Variants in PELI2 observed in about 807,000 individuals in gnomAD.
PELI2 encodes the protein E3 ubiquitin-protein ligase pellino homolog 2.
In PELI2, 23 loss-of-function variants were observed where a neutral mutation model predicts 42.3. The ratio of observed to expected loss-of-function variants is 0.54; its 90% CI spans 0.39 to 0.77. The LOEUF is 0.77. Among genes scored for constraint, PELI2 ranks in the 30% least tolerant of loss-of-function variants. The pLI, the probability that PELI2 is intolerant of heterozygous loss-of-function variation, is 0.00. For synonymous variants in PELI2, 245 were observed against 212.2 expected, an observed-to-expected ratio of 1.15 and a Z score of -1.34; for missense variants, 463 against 553.2, an observed-to-expected ratio of 0.84 and a Z score of 1.64.
intron 2 of PELI2, among the ~76,000 whole-genome samples, chr14:56,251,857 T>C (rs778258980): frequency 3.5e-4 from 54 of 152,254 alleles, no homozygotes; most frequent in Non-Finnish European, 4.4e-4. Flanking sequence ...TCACTTGGGA[T>C]GTTTTAGCTA....
chr14:56,121,874 A>G (rs1883074428), intron 1 of PELI2, among the ~76,000 whole-genome samples: 1 of 152,242 alleles, frequency 6.6e-6, no homozygotes, highest in Non-Finnish European at 1.5e-5. Flanking sequence ...AAGTTCCCTG[A>G]CAGTTGTTTT....
In PELI2 at chr14:56,195,079, C is replaced by CAAA. The variant is rs1419144992; in HGVS notation, c.207+16616_207+16617insAAA. ...TCATTAATTTAATGCTTTTCCTTGA[C>CAAA]ACATGTTTTGTTTCTACAGCTGTTA... On this transcript the variant is annotated intron_variant, in intron 2 of 5. Coordinates refer to ENST00000267460, the MANE Select transcript of PELI2 (RefSeq NM_021255.3). 2.0e-5 allele frequency among the ~76,000 whole-genome samples: 3 copies of CAAA among 152,186 alleles called. No individual in the cohort carries two copies. The East Asian group carries it at 5.8e-4, about 29-fold the overall frequency.
chr14:56,173,014 A>G (rs1163412217), intron 1 of PELI2, among the ~76,000 whole-genome samples: 3 of 152,058 alleles, frequency 2.0e-5, no homozygotes, highest in Non-Finnish European at 4.4e-5. Context: ...CTTATTCTGC[A>G]CCTTTTTCTT....
At chr14:56,199,037 G>C (rs116009850) in intron 2 of PELI2, among the ~76,000 whole-genome samples, 1,711 of 152,174 alleles carry the variant, frequency 0.011, 25 homozygotes, top group African/African-American at 0.04. Flanking sequence ...CAAAGAGCCA[G>C]CTTATGACTT....
chr14:56,128,565 G>T (rs1299521766), intron 1 of PELI2, among the ~76,000 whole-genome samples: 1 of 152,146 alleles, frequency 6.6e-6, no homozygotes, highest in Non-Finnish European at 1.5e-5. Flanking sequence ...TCCTGGGGCA[G>T]TTGGCCTTTA....
At chr14:56,233,938 A>T (rs1205009070) in intron 2 of PELI2, among the ~76,000 whole-genome samples, 4 of 152,250 alleles carry the variant, frequency 2.6e-5, no homozygotes, top group Non-Finnish European at 5.9e-5. Context: ...AAAGTGGGCG[A>T]AGGACATGAA....
intron 1 of PELI2, among the ~76,000 whole-genome samples, chr14:56,156,554 T>C (rs1421408714): frequency 1.3e-5 from 2 of 152,220 alleles, no homozygotes; most frequent in Admixed American, 6.5e-5. Context: ...CTGTGTGACC[T>C]TGAGGATGCT....
intron 1 of PELI2, among the ~76,000 whole-genome samples, chr14:56,147,098 C>T (rs1451179260): frequency 6.6e-6 from 1 of 152,124 alleles, no homozygotes; most frequent in African/African-American, 2.4e-5. Context: ...ATAATGTTTT[C>T]ATTAGTCATC....
At chr14:56,187,954 C>A (rs1024496789) in intron 2 of PELI2, among the ~76,000 whole-genome samples, 1 of 152,198 alleles carries the variant, frequency 6.6e-6, no homozygotes, top group Non-Finnish European at 1.5e-5. Context: ...GGCCTGTGGA[C>A]CTTCGCAGGG....
chr14:56,232,226 A>G (rs1371017538), intron 2 of PELI2, among the ~76,000 whole-genome samples: 1 of 152,164 alleles, frequency 6.6e-6, no homozygotes, highest in Non-Finnish European at 1.5e-5. Flanking sequence ...TCCAATCAAT[A>G]GAAAAAGAGG....
At chr14:56,228,970 G>T (rs749159707) in intron 2 of PELI2, among the ~76,000 whole-genome samples, 7 of 152,230 alleles carry the variant, frequency 4.6e-5, no homozygotes, top group Non-Finnish European at 8.8e-5. Flanking sequence ...CTGGCTTGGG[G>T]GTCCCACACC....
At chr14:56,235,084 C>G (rs946210143) in intron 2 of PELI2, among the ~76,000 whole-genome samples, 11 of 152,132 alleles carry the variant, frequency 7.2e-5, no homozygotes, top group African/African-American at 2.7e-4. Context: ...CAGGAAAAAA[C>G]TGTCATCTCT....
chr14:56,151,870 A>G (rs1413247059), intron 1 of PELI2, among the ~76,000 whole-genome samples: 2 of 152,214 alleles, frequency 1.3e-5, no homozygotes, highest in Admixed American at 1.3e-4. Context: ...AGATACCCCA[A>G]TGACACCTAA....
intron 1 of PELI2, among the ~76,000 whole-genome samples, 169 bp downstream of exon 1, chr14:56,118,906 C>T (rs906880809): frequency 6.6e-6 from 1 of 150,518 alleles, no homozygotes; most frequent in Non-Finnish European, 1.5e-5. Flanking sequence ...GGATGCGCCC[C>T]ATCGGCGCGC....
At chr14:56,286,858 TAA>T (rs1048613205) in intron 3 of PELI2, among the ~76,000 whole-genome samples, 1 of 152,226 alleles carries the variant, frequency 6.6e-6, no homozygotes, top group African/African-American at 2.4e-5. Flanking sequence ...AGCAAACTGA[TAA>T]GTCATGTGTA....
At chr14:56,187,559 G>C (rs543325849) in intron 2 of PELI2, among the ~76,000 whole-genome samples, 1 of 152,192 alleles carries the variant, frequency 6.6e-6, no homozygotes, top group Non-Finnish European at 1.5e-5. Context: ...GATCATTGAG[G>C]TACCAGTGGC....
intron 2 of PELI2, among the ~76,000 whole-genome samples, chr14:56,250,293 G>C (rs1001962652): frequency 6.6e-6 from 1 of 152,300 alleles, no homozygotes; most frequent in African/African-American, 2.4e-5. Context: ...TTATATGGTG[G>C]CTTAGATGAG....
At position 56,298,603 on chromosome 14, in the gene PELI2, A is replaced by G. The variant is rs189773549; in HGVS notation, c.*1437A>G. 2.0e-5 allele frequency: 3 copies of G among 152,744 alleles called. No individual in the cohort carries two copies. Among genetic ancestry groups the G allele is most frequent in the East Asian group, 3.9e-4 (2 of 5,182 alleles). The allele number at this position is 152,744 out of a possible 1,614,324, so 9.5% of individuals were successfully genotyped here. On this transcript the variant is annotated 3_prime_UTR_variant, in exon 6 of 6. Coordinates refer to ENST00000267460, the MANE Select transcript of PELI2 (RefSeq NM_021255.3). Reference sequence around the variant, plus strand: ...CATATACGTAATTTATATGATTCTAATGTACTATATCCATACTTGAATTGG... The same window carrying G: ...CATATACGTAATTTATATGATTCTAGTGTACTATATCCATACTTGAATTGG...
At chr14:56,264,387 G>A (rs958307262) in intron 2 of PELI2, among the ~76,000 whole-genome samples, 3 of 152,120 alleles carry the variant, frequency 2.0e-5, no homozygotes, top group African/African-American at 7.2e-5. Flanking sequence ...TCTTGACTGC[G>A]AGTTCAGTGT....
Sources: allele counts gnomAD v4.1 joint callset (sites outside exome capture counted in the v4.1 genomes callset), GRCh38; gene constraint gnomAD v4.1.1; transcripts MANE v1.5; gene names NCBI Gene and HGNC (gene_info 2026-07-23, HGNC 2026-07-21).